The following CAMTA1 variants were observed in gnomAD, a reference collection of about 807,000 sequenced individuals.
CAMTA1 encodes the protein calmodulin-binding transcription activator 1.
A neutral mutation model predicts 170.9 loss-of-function variants in CAMTA1; 27 were observed. That is an observed-to-expected ratio of 0.16 (90% CI 0.12 to 0.22). The LOEUF (loss-of-function observed/expected upper bound fraction) is 0.22. CAMTA1 is among the 10% of genes least tolerant of loss of function. CAMTA1 has a pLI of 1.00. For missense variants in CAMTA1, 1,619 were observed against 2,217.2 expected (o/e 0.73, Z 5.42); for synonymous variants, 833 against 891.5 (o/e 0.93, Z 1.17).
At chr1:7,467,964 A>G in intron 6 of CAMTA1, 63 bp downstream of exon 6, 2 of 1,398,918 alleles carry the variant, frequency 1.4e-6, no homozygotes, top group Admixed American at 1.7e-5. Flanking sequence ...TGTGGAGGGC[A>G]CTGAGGGCGC....
In CAMTA1 at chr1:6,875,909, C is replaced by T. The variant is rs546884381; in HGVS notation, c.234+50699C>T. On this transcript the variant is annotated intron_variant, in intron 3 of 22. Coordinates refer to ENST00000303635, the MANE Select transcript of CAMTA1 (RefSeq NM_015215.4). ...ATTGTGCACATATGGATCTGTGCTT[C>T]TGGAGTGTGGGCCAATGCTGTTAAT... Among the ~76,000 whole-genome samples the T allele has an allele frequency of 2.6e-5, 4 of 152,334 alleles. No individual in the cohort carries two copies. The East Asian group carries it at 7.7e-4, about 29-fold the overall frequency.
At chr1:7,166,912 G>A (rs1053837284) in intron 4 of CAMTA1, among the ~76,000 whole-genome samples, 4 of 151,622 alleles carry the variant, frequency 2.6e-5, no homozygotes, top group Non-Finnish European at 4.4e-5. Context: ...CTGGGTTCAA[G>A]TGATTCTCTT....
At chr1:6,979,793 G>A (rs1694110097) in intron 3 of CAMTA1, among the ~76,000 whole-genome samples, 1 of 150,830 alleles carries the variant, frequency 6.6e-6, no homozygotes, top group Admixed American at 6.6e-5. Context: ...TCATGGTGGC[G>A]TAGCTGGGGG....
intron 4 of CAMTA1, among the ~76,000 whole-genome samples, chr1:7,243,512 AG>A (rs1473110225): frequency 6.6e-6 from 1 of 152,182 alleles, no homozygotes; most frequent in Non-Finnish European, 1.5e-5. Context: ...TGTTTCTGTC[AG>A]GTTTGTCAAA....
At position 7,757,766 on chromosome 1, in the gene CAMTA1, CCTTAAAATTTTAAAGA is replaced by C. The variant is rs2096941645; in HGVS notation, c.4989+2099_4989+2114del. The stretch of plus-strand genomic sequence containing the variant: ...AAAAAAAAGAGAAAAGCCTAAAAAG[CCTTAAAATTTTAAAGA>C]TTTAAAGGCTCATTTATTTAAAACT... On this transcript the variant is annotated intron_variant, in intron 22 of 22. Transcript: ENST00000303635. 3.9e-5 allele frequency among the ~76,000 whole-genome samples: 6 copies of C among 152,050 alleles called. No homozygotes were observed. In the South Asian group the frequency reaches 6.2e-4, roughly 16 times the overall value.
chr1:7,371,276 G>A (rs553465104), intron 5 of CAMTA1, among the ~76,000 whole-genome samples: 5 of 141,368 alleles, frequency 3.5e-5, no homozygotes, highest in Admixed American at 7.3e-5. Flanking sequence ...TGTTTGTTTC[G>A]AGATGGAGTC....
intron 6 of CAMTA1, among the ~76,000 whole-genome samples, chr1:7,481,970 C>T (rs1322678791): frequency 6.6e-6 from 1 of 152,002 alleles, no homozygotes; most frequent in Non-Finnish European, 1.5e-5. Context: ...CCCATGTGTC[C>T]CTTTGCAGTC....
intron 5 of CAMTA1, among the ~76,000 whole-genome samples, chr1:7,323,653 G>A (rs188243800): frequency 7.9e-5 from 12 of 151,654 alleles, no homozygotes; most frequent in African/African-American, 2.2e-4. Flanking sequence ...CTCCTGAGTC[G>A]GTGGGATCCT....
chr1:6,823,250 C>G (rs1052400844), intron 2 of CAMTA1, among the ~76,000 whole-genome samples: 1 of 151,976 alleles, frequency 6.6e-6, no homozygotes, highest in African/African-American at 2.4e-5. Flanking sequence ...TTTTATGGCC[C>G]GTGGAACCTC....
At chr1:7,106,290 A>G (rs921416060) in intron 4 of CAMTA1, among the ~76,000 whole-genome samples, 5 of 151,706 alleles carry the variant, frequency 3.3e-5, no homozygotes, top group Non-Finnish European at 7.4e-5. Context: ...GAAGGAGAAG[A>G]AGGAGGAGGA....
chr1:6,996,106 C>G (rs991714431), intron 3 of CAMTA1, among the ~76,000 whole-genome samples: 1 of 152,196 alleles, frequency 6.6e-6, no homozygotes, highest in African/African-American at 2.4e-5. Flanking sequence ...AAGTGCGGTC[C>G]TTTCTAGAGT....
intron 5 of CAMTA1, among the ~76,000 whole-genome samples, chr1:7,461,481 G>A (rs1482678119): frequency 2.6e-5 from 4 of 152,238 alleles, no homozygotes; most frequent in Non-Finnish European, 5.9e-5. Context: ...CTGAGGAACT[G>A]AAGCTTTGAT....
At chr1:6,952,692 G>A (rs568704443) in intron 3 of CAMTA1, among the ~76,000 whole-genome samples, 92 of 152,150 alleles carry the variant, frequency 6.0e-4, no homozygotes, top group Non-Finnish European at 1.1e-3. Flanking sequence ...AAATTAGCCA[G>A]GTGTGGTGAC....
intron 3 of CAMTA1, among the ~76,000 whole-genome samples, chr1:7,004,238 T>G (rs577322099): frequency 3.9e-5 from 6 of 152,348 alleles, no homozygotes; most frequent in African/African-American, 1.4e-4. Context: ...TGTTATTGTT[T>G]TTTCTTTTCT....
chr1:7,137,944 A>G (rs537963378), intron 4 of CAMTA1, among the ~76,000 whole-genome samples: 1 of 152,166 alleles, frequency 6.6e-6, no homozygotes, highest in Non-Finnish European at 1.5e-5. Context: ...GGAGCATAGA[A>G]TCATGCCCAG....
At position 7,609,973 on chromosome 1, in the gene CAMTA1, A is replaced by G. The variant is rs562006639; in HGVS notation, c.511-30427A>G. ...GGGTCTCCAAGTCTCTTTACCTGAA[A>G]TACAGCACCTGCCGGGTCTGTCCAC... is the stretch of plus-strand genomic sequence containing the variant. On this transcript the variant is annotated intron_variant, in intron 6 of 22. Coordinates refer to ENST00000303635, the MANE Select transcript of CAMTA1 (RefSeq NM_015215.4). This position sits in a 1 kb window ranked among gnomAD's most constrained non-coding sequence, Gnocchi z 4.4. Among the ~76,000 whole-genome samples, 12 of 152,292 alleles carry G rather than the reference A, an allele frequency of 7.9e-5. No homozygotes were observed. The South Asian group carries it at 2.3e-3, about 29-fold the overall frequency.
intron 3 of CAMTA1, among the ~76,000 whole-genome samples, chr1:6,987,649 A>G (rs1695582990): frequency 6.6e-6 from 1 of 152,232 alleles, no homozygotes; most frequent in Admixed American, 6.5e-5. Flanking sequence ...CTGTGGGCAG[A>G]TGGGGATGCA....
rs548738043 is a variant in CAMTA1, at chr1:7,331,317, A to G, written c.438+81691A>G. Among the ~76,000 whole-genome samples the G allele has an allele frequency of 5.9e-5, 9 of 152,288 alleles. 1 individual carries two copies. Among genetic ancestry groups the G allele is most frequent in the Admixed American group, 3.3e-4 (5 of 15,286 alleles). ...AGGAGAGCGAGCCTATGGGGCCATC[A>G]TCGGTTTGGCCAGGTACCCCTGAGG... On this transcript the variant is annotated intron_variant, in intron 5 of 22. Transcript: ENST00000303635.
At position 7,685,720 on chromosome 1, in the gene CAMTA1, A is replaced by G. The variant is rs2096252444; in HGVS notation, c.2914+7987A>G. ...CTCGCTCTCCCACCTACTAGGGTGC[A>G]GGGATGGCTGCCCCTCTGTTTGTCT... On this transcript the variant is annotated intron_variant, in intron 11 of 22. Coordinates refer to ENST00000303635, the MANE Select transcript of CAMTA1 (RefSeq NM_015215.4). This position sits in a 1 kb window ranked among gnomAD's most constrained non-coding sequence, Gnocchi z 5.7. Among the ~76,000 whole-genome samples the G allele has an allele frequency of 6.6e-6, 1 of 152,194 alleles. No individual in the cohort carries two copies. The highest frequency in any genetic ancestry group is 1.5e-5 in the Non-Finnish European group (1 of 68,026).
Sources: allele counts gnomAD v4.1 joint callset (sites outside exome capture counted in the v4.1 genomes callset), GRCh38; gene constraint gnomAD v4.1.1; non-coding constraint Gnocchi (gnomAD v3.1); transcripts MANE v1.5; gene names NCBI Gene and HGNC (gene_info 2026-07-23, HGNC 2026-07-21).